Variants in DENND1A observed in about 807,000 individuals in gnomAD.
DENND1A encodes the protein DENN domain containing 1A, also known as DENN domain-containing protein 1A.
DENND1A carries 51 observed loss-of-function variants against 113.7 expected under a neutral mutation model. The observed-to-expected ratio is 0.45, with a 90% CI of 0.36 to 0.57. The LOEUF is 0.57. Ranked by LOEUF, DENND1A falls within the 20% of genes least tolerant of loss-of-function variation. The pLI is 0.00. For missense variants in DENND1A, 1,258 were observed against 1,395.9 expected, an observed-to-expected ratio of 0.90 and a Z score of 1.57; for synonymous variants, 565 against 570.8, an observed-to-expected ratio of 0.99 and a Z score of 0.14.
intron 13 of DENND1A, among the ~76,000 whole-genome samples, chr9:123,537,312 G>A (rs1362016451): frequency 6.6e-6 from 1 of 151,614 alleles, no homozygotes; most frequent in African/African-American, 2.4e-5. Flanking sequence ...AACAGACAAT[G>A]CCTTAATAAA....
At chr9:123,474,370 T>C (rs1332312777) in intron 13 of DENND1A, among the ~76,000 whole-genome samples, 2 of 152,216 alleles carry the variant, frequency 1.3e-5, no homozygotes, top group Non-Finnish European at 2.9e-5. Context: ...TAAAACTCTC[T>C]ATAAACATCA....
At chr9:123,568,949 A>G (rs2058207818) in intron 12 of DENND1A, among the ~76,000 whole-genome samples, 1 of 152,260 alleles carries the variant, frequency 6.6e-6, no homozygotes, top group African/African-American at 2.4e-5. Context: ...CTTGCAAAGA[A>G]AAGCATCTGC....
chr9:123,912,681 G>A (rs1854229299), intron 1 of DENND1A, among the ~76,000 whole-genome samples: 2 of 152,030 alleles, frequency 1.3e-5, no homozygotes, highest in African/African-American at 4.8e-5. Flanking sequence ...TCCCCCACCA[G>A]GCAGTAACAA....
intron 13 of DENND1A, among the ~76,000 whole-genome samples, chr9:123,514,096 GTATGTGTGTGTGTC>G (rs55748459): frequency 0.23 from 11,117 of 48,360 alleles, 477 homozygotes; most frequent in Non-Finnish European, 0.35. Context: ...GTGTGTGTGT[GTATGTGTGTGTGTC>G]TGTGTGTGTG....
At chr9:123,423,080 G>A (rs567066470) in intron 19 of DENND1A, among the ~76,000 whole-genome samples, 3 of 152,284 alleles carry the variant, frequency 2.0e-5, no homozygotes, top group Admixed American at 1.3e-4. Context: ...GGGGAGGGGC[G>A]CCCACTCCAG....
At chr9:123,786,148 G>A (rs1832133685) in intron 3 of DENND1A, among the ~76,000 whole-genome samples, 1 of 152,014 alleles carries the variant, frequency 6.6e-6, no homozygotes, top group African/African-American at 2.4e-5. Flanking sequence ...AGGAGGTGGA[G>A]GTTGGCAGTG....
At chr9:123,641,271 T>C (rs1457420801) in intron 9 of DENND1A, among the ~76,000 whole-genome samples, 1 of 152,168 alleles carries the variant, frequency 6.6e-6, no homozygotes, top group African/African-American at 2.4e-5. Context: ...TTAAATATTA[T>C]CCTTTAAAAT....
intron 13 of DENND1A, among the ~76,000 whole-genome samples, chr9:123,544,366 A>C (rs2056504226): frequency 6.6e-6 from 1 of 152,250 alleles, no homozygotes; most frequent in African/African-American, 2.4e-5. Flanking sequence ...CCCCTTGCAA[A>C]ATAGTTTATA....
In DENND1A at chr9:123,403,413, C is replaced by A. The variant is rs759511667; in HGVS notation, c.1620G>T (p.Pro540=). 2 of 1,613,994 alleles carry A rather than the reference C, an allele frequency of 1.2e-6. No homozygotes were observed. Among genetic ancestry groups the A allele is most frequent in the African/African-American group, 2.7e-5 (2 of 74,914 alleles). ...IAVEGRRTSV[P]SPEHLVKPLR... ...GGCACAATACTCACTGCTCAGGGCT[C>A]GGCACAGACGTCCTCCGGCCTTCCA... The change falls in exon 21 of 24, where the codon CCG becomes CCT. Residue 540 remains proline, a synonymous_variant. Coordinates refer to ENST00000394215, the MANE Select transcript of DENND1A (RefSeq NM_001352964.2).
At chr9:123,807,442 G>C (rs999499028) in intron 2 of DENND1A, among the ~76,000 whole-genome samples, 1 of 152,150 alleles carries the variant, frequency 6.6e-6, no homozygotes, top group African/African-American at 2.4e-5. Context: ...AAATGACTAA[G>C]CACCTGATTA....
intron 2 of DENND1A, among the ~76,000 whole-genome samples, chr9:123,814,866 A>G (rs1317148888): frequency 6.6e-6 from 1 of 152,246 alleles, no homozygotes; most frequent in Non-Finnish European, 1.5e-5. Flanking sequence ...CTAAAGATGC[A>G]ATCATTGGAA....
chr9:123,681,175 C>T (rs1350819454), intron 5 of DENND1A, among the ~76,000 whole-genome samples: 1 of 151,912 alleles, frequency 6.6e-6, no homozygotes, highest in Non-Finnish European at 1.5e-5. Flanking sequence ...AGGGGTTAGA[C>T]CTGGCATGGG....
intron 10 of DENND1A, among the ~76,000 whole-genome samples, chr9:123,610,223 G>A (rs918552511): frequency 7.2e-5 from 11 of 152,252 alleles, no homozygotes; most frequent in Middle Eastern, 6.8e-3. Context: ...TTCAGGGGTC[G>A]GTGTGTATGT....
chr9:123,534,876 G>A (rs1013506758), intron 13 of DENND1A, among the ~76,000 whole-genome samples: 1 of 152,200 alleles, frequency 6.6e-6, no homozygotes, highest in African/African-American at 2.4e-5. Context: ...AAAGTTGCAA[G>A]TATTATCTTC....
At chr9:123,517,135 C>A (rs1313106522) in intron 13 of DENND1A, among the ~76,000 whole-genome samples, 3 of 151,500 alleles carry the variant, frequency 2.0e-5, no homozygotes. Flanking sequence ...CACCTGTAGT[C>A]CCAGCTACTC....
intron 13 of DENND1A, among the ~76,000 whole-genome samples, chr9:123,483,268 A>G (rs2050501137): frequency 1.3e-5 from 2 of 152,152 alleles, no homozygotes; most frequent in Non-Finnish European, 2.9e-5. Context: ...GGCCCCATGC[A>G]GGGACTATGT....
chr9:123,535,323 G>C (rs2055665244), intron 13 of DENND1A, among the ~76,000 whole-genome samples: 1 of 152,178 alleles, frequency 6.6e-6, no homozygotes, highest in Admixed American at 6.5e-5. Flanking sequence ...GTGTGCATCT[G>C]TAGTCCCAGG....
intron 13 of DENND1A, among the ~76,000 whole-genome samples, chr9:123,490,684 A>C (rs2133964558): frequency 6.6e-6 from 1 of 152,330 alleles, no homozygotes. Flanking sequence ...TTAAAAAAAA[A>C]ACAAGGTAAA....
At chr9:123,657,518 C>G (rs2063019020) in intron 8 of DENND1A, among the ~76,000 whole-genome samples, 1 of 152,192 alleles carries the variant, frequency 6.6e-6, no homozygotes, top group Non-Finnish European at 1.5e-5. Context: ...AAAGAACTGA[C>G]TCTAAGCTGG....
Sources: allele counts gnomAD v4.1 joint callset (sites outside exome capture counted in the v4.1 genomes callset), GRCh38; gene constraint gnomAD v4.1.1; transcripts MANE v1.5; gene names NCBI Gene and HGNC (gene_info 2026-07-23, HGNC 2026-07-21).